The following AIM2 variants were observed in gnomAD, a reference collection of about 807,000 sequenced individuals.
AIM2 encodes interferon-inducible protein AIM2.
In AIM2, 30 loss-of-function variants were observed where a neutral mutation model predicts 27.7. The ratio of observed to expected loss-of-function variants is 1.08; its 90% CI spans 0.81 to 1.47. AIM2 has a LOEUF of 1.47. Ranked by LOEUF, AIM2 falls within the 40% of genes most tolerant of loss-of-function variation. AIM2 has a pLI of 0.00. For synonymous variants in AIM2, 141 were observed against 145.3 expected (o/e 0.97, Z 0.21); for missense variants, 358 against 411.3 (o/e 0.87, Z 1.12).
At chr1:159,117,714 A>T (rs1647413807) in intron 1 of AIM2, among the ~76,000 whole-genome samples, 2 of 152,190 alleles carry the variant, frequency 1.3e-5, no homozygotes, top group African/African-American at 4.8e-5. Context: ...CGAGACTTCT[A>T]GATCAGGATG....
At chr1:159,144,567 A>T (rs944865363), upstream of AIM2, among the ~76,000 whole-genome samples, 4 of 152,290 alleles carry the variant, frequency 2.6e-5, no homozygotes, top group Non-Finnish European at 4.4e-5. Flanking sequence ...TTCTTCTTTT[A>T]AACTGGCTGT....
At chr1:159,068,413 A>G (rs570286541) in intron 3 of AIM2, among the ~76,000 whole-genome samples, 155 bp downstream of exon 3, 1 of 152,368 alleles carries the variant, frequency 6.6e-6, no homozygotes, top group East Asian at 1.9e-4. Flanking sequence ...AATCAAAGGT[A>G]GTTCCTGTTT....
chr1:159,078,819 A>C (rs1048039067), upstream of AIM2, among the ~76,000 whole-genome samples: 1 of 152,206 alleles, frequency 6.6e-6, no homozygotes, highest in Non-Finnish European at 1.5e-5. Context: ...TACTGACAGC[A>C]AGGTTTATGC....
intron 1 of AIM2, among the ~76,000 whole-genome samples, chr1:159,099,348 A>T (rs1010097359): frequency 2.0e-5 from 3 of 152,194 alleles, no homozygotes; most frequent in Admixed American, 6.5e-5. Flanking sequence ...AGAGAAGAAA[A>T]GTTCCAGGGA....
At chr1:159,115,116 C>A (rs1054049464) in intron 1 of AIM2, among the ~76,000 whole-genome samples, 1 of 152,110 alleles carries the variant, frequency 6.6e-6, no homozygotes, top group African/African-American at 2.4e-5. Context: ...CCTAGGAATC[C>A]AACTTACAAG....
intron 1 of AIM2, among the ~76,000 whole-genome samples, chr1:159,113,008 G>A (rs1052052179): frequency 2.6e-5 from 4 of 151,464 alleles, no homozygotes; most frequent in East Asian, 3.9e-4. Flanking sequence ...GCAGTGGCGC[G>A]ATCTCGGCTC....
intron 1 of AIM2, among the ~76,000 whole-genome samples, chr1:159,087,092 A>G (rs191942056): frequency 1.4e-3 from 218 of 152,294 alleles, no homozygotes; most frequent in African/African-American, 5.1e-3. Context: ...CAACCTCTAC[A>G]TATCCTAAAT....
downstream of AIM2, among the ~76,000 whole-genome samples, chr1:159,062,159 T>C (rs1185510317): frequency 1.3e-5 from 2 of 152,228 alleles, no homozygotes; most frequent in African/African-American, 2.4e-5. Context: ...TAGTTTTCCA[T>C]TGGGCTTTAT....
rs1297368735 is a variant in AIM2 at position 159,066,221 on chromosome 1, TCTCAAACGTGAAGGG to T, written c.490_504del (p.Pro164_Glu168del). On this transcript the variant is annotated inframe_deletion, in exon 4 of 6. Transcript: ENST00000368130. ...AACATCTCCTGCTTGCCTTCTTGGG[TCTCAAACGTGAAGGG>T]CTTCTTTGCTTTCAGTACCATAACT... 6 of 1,614,076 alleles carry T rather than the reference TCTCAAACGTGAAGGG, an allele frequency of 3.7e-6. No individual in the cohort carries two copies. The highest frequency in any genetic ancestry group is 5.1e-6 in the Non-Finnish European group (6 of 1,180,042).
rs1655935622 is a variant in AIM2, at chr1:159,063,507, A to G, written c.984T>C (p.Ser328=). 1.9e-6 allele frequency: 3 copies of G among 1,613,842 alleles called. 1 individual carries two copies. The highest frequency in any genetic ancestry group is 3.3e-4 in the Middle Eastern group (2 of 6,060). Residue 328 remains serine (S), a synonymous_variant, in exon 5 of 6, where the codon TCT becomes TCC. Transcript: ENST00000368130. ...SKNGEKLQLT[S]GVHSTIKVIK... is the part of the protein sequence containing the mutation. ...CCACCTTTATGGTGCTATGAACTCC[A>G]GATGTCAGCTGTAGTTTTTCTCCAT...
intron 1 of AIM2, among the ~76,000 whole-genome samples, chr1:159,085,951 T>C (rs549834944): frequency 9.2e-5 from 14 of 151,588 alleles, no homozygotes; most frequent in African/African-American, 3.1e-4. Flanking sequence ...GACATGTTTA[T>C]TAACTTTATC....
At chr1:159,057,728 A>C (rs995350423), downstream of AIM2, among the ~76,000 whole-genome samples, 1 of 152,238 alleles carries the variant, frequency 6.6e-6, no homozygotes, top group Non-Finnish European at 1.5e-5. Context: ...CAAATGTATG[A>C]TAAGTTTTGA....
downstream of AIM2, among the ~76,000 whole-genome samples, chr1:159,061,652 G>T (rs375836811): frequency 2.2e-4 from 31 of 139,988 alleles, no homozygotes; most frequent in African/African-American, 7.6e-4. Context: ...TGATCCACCC[G>T]CCAGGGCCTC....
At chr1:159,058,693 C>T (rs531591944), downstream of AIM2, among the ~76,000 whole-genome samples, 5 of 152,242 alleles carry the variant, frequency 3.3e-5, no homozygotes, top group South Asian at 2.1e-4. Flanking sequence ...CACCGATTCT[C>T]GAGCCCCATT....
At chr1:159,064,952 C>T (rs928071619) in intron 4 of AIM2, among the ~76,000 whole-genome samples, 1 of 152,126 alleles carries the variant, frequency 6.6e-6, no homozygotes, top group Non-Finnish European at 1.5e-5. Context: ...TGGACTAAAT[C>T]AGTATATATG....
rs200570312 is a variant in AIM2, at chr1:159,068,627, C to G, written c.337G>C (p.Ala113Pro). The G allele has an allele frequency of 1.5e-5, 24 of 1,613,938 alleles. No homozygotes were observed. The highest frequency in any genetic ancestry group is 1.7e-6 in the Non-Finnish European group (2 of 1,179,880). Residue 113 changes from alanine to proline, a missense_variant, in exon 3 of 6, where the codon GCC (alanine) becomes CCC (proline). By Grantham distance (27) the Ala-to-Pro change is conservative (BLOSUM62 -1). Coordinates refer to ENST00000368130, the MANE Select transcript of AIM2 (RefSeq NM_004833.3). ...TGCTTTGCGACATCATTTCTGATGGCTGCAGATGCAGCAGGACTCATTTCA... is the reference window on the plus strand; with the variant it reads ...TGCTTTGCGACATCATTTCTGATGGGTGCAGATGCAGCAGGACTCATTTCA... ...QAEMSPAASA[A>P]IRNDVAKQRA...
At chr1:159,123,198 A>G (rs572619737) in intron 1 of AIM2, among the ~76,000 whole-genome samples, 1 of 152,304 alleles carries the variant, frequency 6.6e-6, no homozygotes, top group Admixed American at 6.5e-5. Flanking sequence ...ATATTTACAT[A>G]CAAATAAAAA....
intron 1 of AIM2, among the ~76,000 whole-genome samples, chr1:159,112,892 T>C (rs1438458687): frequency 6.6e-6 from 1 of 151,424 alleles, no homozygotes; most frequent in African/African-American, 2.4e-5. Flanking sequence ...GTTTTCAGAA[T>C]ACAGTTTTAT....
At chr1:159,065,285 C>G in intron 4 of AIM2, among the ~76,000 whole-genome samples, 1 of 152,154 alleles carries the variant, frequency 6.6e-6, no homozygotes, top group Admixed American at 6.5e-5. Flanking sequence ...CTCTGCCCCG[C>G]GGCCCTGTCT....
Sources: gnomAD v4.1 joint callset for allele counts (sites outside exome capture counted in the v4.1 genomes callset) on GRCh38, gnomAD v4.1.1 for gene constraint, MANE v1.5 for transcripts, NCBI Gene and HGNC (gene_info 2026-07-23, HGNC 2026-07-21) for gene names.